ELMO1: variants seen among roughly 807,000 people sequenced by gnomAD.
The protein encoded by ELMO1 is engulfment and cell motility 1, also known as engulfment and cell motility protein 1.
Under a neutral mutation model 98.9 loss-of-function variants are expected in ELMO1, and 26 were observed. That is an observed-to-expected ratio of 0.26 (90% CI 0.19 to 0.36). The LOEUF (loss-of-function observed/expected upper bound fraction) is 0.36. Ranked by LOEUF, ELMO1 falls within the 10% of genes least tolerant of loss-of-function variation. ELMO1 has a pLI of 1.00. For synonymous variants in ELMO1, 346 were observed against 346.0 expected, an observed-to-expected ratio of 1.00 and a Z score of 0.00; for missense variants, 627 against 935.2, an observed-to-expected ratio of 0.67 and a Z score of 4.30.
intron 13 of ELMO1, among the ~76,000 whole-genome samples, chr7:37,144,879 T>A (rs1250820242): frequency 6.6e-6 from 1 of 152,222 alleles, no homozygotes; most frequent in African/African-American, 2.4e-5. Flanking sequence ...TTCAGCGGAA[T>A]GATTTCAATC....
chr7:37,046,952 G>A (rs1019020100), intron 15 of ELMO1, among the ~76,000 whole-genome samples: 1 of 152,220 alleles, frequency 6.6e-6, no homozygotes, highest in African/African-American at 2.4e-5. Context: ...TAATGAAATA[G>A]AAATTTTCCC....
intron 1 of ELMO1, among the ~76,000 whole-genome samples, chr7:37,345,140 A>C (rs1020143166): frequency 1.3e-5 from 2 of 152,254 alleles, no homozygotes; most frequent in African/African-American, 4.8e-5. Context: ...AAGCCTGCTG[A>C]GAAGCTAATC....
chr7:37,134,490 C>T lies in ELMO1; in HGVS notation c.1087-1256G>A, dbSNP rs7809062. Among the ~76,000 whole-genome samples, 346 of 146,672 alleles carry T rather than the reference C, an allele frequency of 2.4e-3. 1 individual carries two copies. The highest frequency in any genetic ancestry group is 8.2e-3 in the African/African-American group (320 of 38,988). ...AGGAGATTAGCTTGAACCTGGGAGG[C>T]GGAGGTTGCAGTGAGTCGAGATCAC... is the stretch of plus-strand genomic sequence containing the variant. On this transcript the variant is annotated intron_variant, in intron 13 of 21. Transcript: ENST00000310758.
At chr7:37,018,449 C>T (rs185753412) in intron 15 of ELMO1, among the ~76,000 whole-genome samples, 2 of 151,894 alleles carry the variant, frequency 1.3e-5, no homozygotes, top group South Asian at 2.1e-4. Context: ...TAATCAAGCA[C>T]ATGGCATAGG....
chr7:37,229,161 C>T (rs373497898), intron 8 of ELMO1, among the ~76,000 whole-genome samples: 16 of 152,174 alleles, frequency 1.1e-4, no homozygotes, highest in South Asian at 8.3e-4. Context: ...AAAACATTTG[C>T]GGGGTAAGCC....
At chr7:37,195,669 G>A (rs573678287) in intron 13 of ELMO1, among the ~76,000 whole-genome samples, 2 of 152,334 alleles carry the variant, frequency 1.3e-5, no homozygotes, top group South Asian at 2.1e-4. Flanking sequence ...TTTCCTCTCC[G>A]AAAAAGCTGG....
intron 1 of ELMO1, among the ~76,000 whole-genome samples, chr7:37,420,897 T>C (rs1250509198): frequency 2.0e-5 from 3 of 152,206 alleles, no homozygotes; most frequent in Non-Finnish European, 4.4e-5. Context: ...CCTTACTAAT[T>C]TGGCATCTTT....
At chr7:37,259,952 A>C (rs1452392679) in intron 5 of ELMO1, among the ~76,000 whole-genome samples, 2 of 152,346 alleles carry the variant, frequency 1.3e-5, no homozygotes, top group East Asian at 3.9e-4. Context: ...GTGAATGTAA[A>C]ACTAAATAAT....
chr7:36,990,370 C>T (rs533048434), intron 16 of ELMO1, among the ~76,000 whole-genome samples: 1 of 152,288 alleles, frequency 6.6e-6, no homozygotes, highest in East Asian at 1.9e-4. Flanking sequence ...GTTCTGCATA[C>T]ACCTAATGGA....
intron 15 of ELMO1, among the ~76,000 whole-genome samples, chr7:37,023,617 G>GT (rs973016869): frequency 7.2e-5 from 11 of 151,920 alleles, no homozygotes; most frequent in East Asian, 3.9e-4. Flanking sequence ...CATGCATTTT[G>GT]TTTTTTTTGA....
intron 4 of ELMO1, among the ~76,000 whole-genome samples, chr7:37,286,543 T>G (rs1388588318): frequency 6.6e-6 from 1 of 152,184 alleles, no homozygotes; most frequent in Non-Finnish European, 1.5e-5. Context: ...CACTGGACAC[T>G]GCTAATAAAG....
At chr7:36,953,738 A>G (rs1788193338) in intron 16 of ELMO1, among the ~76,000 whole-genome samples, 1 of 152,082 alleles carries the variant, frequency 6.6e-6, no homozygotes, top group Non-Finnish European at 1.5e-5. Context: ...ATCCATTGAG[A>G]ATCTGGCAAC....
At chr7:37,092,547 T>C (rs1314975155) in intron 15 of ELMO1, among the ~76,000 whole-genome samples, 2 of 151,090 alleles carry the variant, frequency 1.3e-5, no homozygotes, top group African/African-American at 4.9e-5. Flanking sequence ...CCCGGCTAAT[T>C]TTGTATTTTT....
chr7:37,372,797 A>T (rs1802168626), intron 1 of ELMO1, among the ~76,000 whole-genome samples: 1 of 152,086 alleles, frequency 6.6e-6, no homozygotes, highest in African/African-American at 2.4e-5. Context: ...TTAATACCTC[A>T]CTCATTAGGG....
chr7:37,201,615 C>T (rs965814664), intron 13 of ELMO1, among the ~76,000 whole-genome samples: 2 of 152,174 alleles, frequency 1.3e-5, no homozygotes, highest in African/African-American at 4.8e-5. Context: ...CTAAGGAGAC[C>T]CCAAGAACCC....
intron 4 of ELMO1, among the ~76,000 whole-genome samples, chr7:37,287,272 C>A (rs911872796): frequency 6.6e-6 from 1 of 151,992 alleles, no homozygotes; most frequent in African/African-American, 2.4e-5. Context: ...CTTTTTCCAG[C>A]CAGACAGTAA....
intron 16 of ELMO1, among the ~76,000 whole-genome samples, chr7:36,951,438 G>A (rs574232286): frequency 6.6e-6 from 1 of 152,296 alleles, no homozygotes; most frequent in East Asian, 1.9e-4. Context: ...AGCCTGGAAG[G>A]TGCTTTCCTC....
At position 37,249,675 on chromosome 7, in the gene ELMO1, C is replaced by T. The variant is rs930532701; in HGVS notation, c.414-5284G>A. Among the ~76,000 whole-genome samples the T allele has an allele frequency of 3.3e-5, 5 of 152,188 alleles. No homozygotes were observed. The South Asian group carries it at 1.0e-3, about 31-fold the overall frequency. ...CATTTCTGCAAGCTATTGGGCTATT[C>T]TTATTTTAAAACAGCTTTAAAATGT... On this transcript the variant is annotated intron_variant, in intron 6 of 21. Transcript: ENST00000310758.
Position 37,267,034 on chromosome 7 carries a change from TATATACACAC to T in ELMO1, c.243+4788_243+4797del, listed in dbSNP as rs1212982122. On this transcript the variant is annotated intron_variant, in intron 5 of 21. Transcript: ENST00000310758. ...TCTAAAAAAAAAAAAAAAATATGTA[TATATACACAC>T]ACACACACACACACACACACACACA... is the stretch of plus-strand genomic sequence containing the variant. Among the ~76,000 whole-genome samples, 636 of 85,418 alleles carry T rather than the reference TATATACACAC, an allele frequency of 7.4e-3. 70 individuals carry two copies. The highest frequency in any genetic ancestry group is 6.5e-3 in the Non-Finnish European group (302 of 46,312). 56.0% of individuals were successfully genotyped at this position (85,418 alleles called of 152,430 possible). A position where few individuals can be genotyped will look rare whatever the true frequency, so the allele number is the denominator to read the frequency against.
Sources: gnomAD v4.1 joint callset for allele counts (sites outside exome capture counted in the v4.1 genomes callset) on GRCh38, gnomAD v4.1.1 for gene constraint, MANE v1.5 for transcripts, NCBI Gene and HGNC (gene_info 2026-07-23, HGNC 2026-07-21) for gene names.